The following SLC9C1 variants were observed in gnomAD, a reference collection of about 807,000 sequenced individuals.
SLC9C1 encodes solute carrier family 9 member C1, also known as sodium/hydrogen exchanger 10.
Under a neutral mutation model 140.9 loss-of-function variants are expected in SLC9C1, and 97 were observed. The observed-to-expected ratio is 0.69, with a 90% CI of 0.58 to 0.82. The LOEUF is 0.82. Among genes scored for constraint, SLC9C1 ranks in the 40% least tolerant of loss-of-function variants. The pLI, the probability that SLC9C1 is intolerant of heterozygous loss-of-function variation, is 0.00. For missense variants in SLC9C1, 1,340 were observed against 1,389.3 expected, an observed-to-expected ratio of 0.96 and a Z score of 0.56; for synonymous variants, 440 against 442.6, an observed-to-expected ratio of 0.99 and a Z score of 0.07.
intron 20 of SLC9C1, chr3:112,185,765 G>C (rs2077524841): frequency 1.3e-6 from 2 of 1,544,084 alleles, no homozygotes; most frequent in African/African-American, 2.7e-5. Context: ...CCTTCAGGGA[G>C]GGCGTCCGCA....
At chr3:112,287,292 A>G (rs1294487094) in intron 1 of SLC9C1, among the ~76,000 whole-genome samples, 1 of 152,216 alleles carries the variant, frequency 6.6e-6, no homozygotes, top group African/African-American at 2.4e-5. Context: ...TCTGACAGCT[A>G]TTCCAAAGTA....
In SLC9C1 at chr3:112,151,880, A is replaced by G; in HGVS notation, c.3501T>C (p.Pro1167=). ...LGTKFNCKES[P]RINLRKVRKE Reference sequence around the variant, plus strand: ...ACCTGACTTTCCTTAGGTTTATTCTAGGGGACTCCTTACAGTTGAACTTTG... The same window carrying G: ...ACCTGACTTTCCTTAGGTTTATTCTGGGGGACTCCTTACAGTTGAACTTTG... Residue 1167 remains proline (P), a synonymous_variant, in exon 28 of 29, where the codon CCT becomes CCC. Transcript: ENST00000305815. The G allele has an allele frequency of 4.3e-6, 7 of 1,612,564 alleles. No individual in the cohort carries two copies. The highest frequency in any genetic ancestry group is 5.9e-6 in the Non-Finnish European group (7 of 1,179,516).
At chr3:112,158,303 T>C (rs959025347) in intron 26 of SLC9C1, among the ~76,000 whole-genome samples, 1 of 152,090 alleles carries the variant, frequency 6.6e-6, no homozygotes, top group Non-Finnish European at 1.5e-5. Context: ...TTGATTCTGT[T>C]GATGTAATAC....
rs192536432 is a variant in SLC9C1, at chr3:112,172,961, G to T, written c.2920-3633C>A. Reference sequence around the variant, plus strand: ...TTCAACTTGCTAGTATCTTATTAATGATTTTTTTGTGTCCACATTAATGTG... The same window carrying T: ...TTCAACTTGCTAGTATCTTATTAATTATTTTTTTGTGTCCACATTAATGTG... On this transcript the variant is annotated intron_variant, in intron 23 of 28. Transcript: ENST00000305815. Among the ~76,000 whole-genome samples the T allele has an allele frequency of 1.0e-3, 152 of 152,034 alleles. 3 individuals are homozygous for T. In the East Asian group the frequency reaches 0.013, roughly 13 times the overall value.
chr3:112,237,183 C>G (rs1001712272), intron 12 of SLC9C1, among the ~76,000 whole-genome samples: 1 of 152,148 alleles, frequency 6.6e-6, no homozygotes, highest in Non-Finnish European at 1.5e-5. Flanking sequence ...GGAGAGTTAG[C>G]TCTTTTTGTT....
chr3:112,215,826 G>T lies in SLC9C1; in HGVS notation c.1790+1616C>A, dbSNP rs1560078198. Among the ~76,000 whole-genome samples the T allele has an allele frequency of 2.0e-5, 3 of 152,138 alleles. No individual in the cohort carries two copies. The South Asian group carries it at 6.2e-4, about 32-fold the overall frequency. ...ATACTATCCCCAACAAGCTACCAAT[G>T]ACTTTCTTCACAGAATTGGAAAAAA... On this transcript the variant is annotated intron_variant, in intron 15 of 28. Transcript: ENST00000305815.
intron 20 of SLC9C1, among the ~76,000 whole-genome samples, chr3:112,186,548 T>C (rs949735847): frequency 1.3e-5 from 2 of 152,238 alleles, no homozygotes; most frequent in Non-Finnish European, 2.9e-5. Flanking sequence ...ATATACAAGA[T>C]TAATGGAATC....
chr3:112,166,307 G>T (rs756024345), intron 26 of SLC9C1, among the ~76,000 whole-genome samples: 13 of 152,342 alleles, frequency 8.5e-5, no homozygotes, highest in Non-Finnish European at 1.6e-4. Context: ...TCCCCAGTGA[G>T]ATGAACCCGG....
At chr3:112,148,039 T>G (rs1318331667) in intron 28 of SLC9C1, among the ~76,000 whole-genome samples, 1 of 152,208 alleles carries the variant, frequency 6.6e-6, no homozygotes, top group African/African-American at 2.4e-5. Flanking sequence ...AATTCATTTT[T>G]CTCTTTGGTT....
chr3:112,210,450 A>G (rs547148453), intron 15 of SLC9C1, among the ~76,000 whole-genome samples: 27 of 152,372 alleles, frequency 1.8e-4, no homozygotes, highest in African/African-American at 6.5e-4. Flanking sequence ...ACAAGGCTAC[A>G]TAGTGATGAT....
chr3:112,246,760 A>G (rs970129480), intron 10 of SLC9C1, among the ~76,000 whole-genome samples: 11 of 152,226 alleles, frequency 7.2e-5, no homozygotes, highest in African/African-American at 2.7e-4. Flanking sequence ...GCCTGTGCTA[A>G]GAGTTTAAAG....
At chr3:112,161,221 G>C (rs1305838478) in intron 26 of SLC9C1, among the ~76,000 whole-genome samples, 2 of 152,070 alleles carry the variant, frequency 1.3e-5, no homozygotes. Flanking sequence ...TTTGTAGGTT[G>C]CCTGTTCACT....
At chr3:112,185,766 G>C in intron 20 of SLC9C1, 1 of 1,544,414 alleles carries the variant, frequency 6.5e-7, no homozygotes, top group South Asian at 1.2e-5. Flanking sequence ...CTTCAGGGAG[G>C]GCGTCCGCAC....
At chr3:112,228,440 C>T (rs553500920) in intron 13 of SLC9C1, among the ~76,000 whole-genome samples, 7 of 151,858 alleles carry the variant, frequency 4.6e-5, no homozygotes, top group South Asian at 2.1e-4. Flanking sequence ...TAGAAGAAAA[C>T]GGAGGAGAAA....
chr3:112,143,524 CT>C (rs1379096221), intron 28 of SLC9C1, among the ~76,000 whole-genome samples: 2 of 152,104 alleles, frequency 1.3e-5, no homozygotes, highest in African/African-American at 4.8e-5. Context: ...TTGCTGGCTG[CT>C]TGTACGTCTT....
chr3:112,287,810 G>T (rs1322652404), intron 1 of SLC9C1, among the ~76,000 whole-genome samples: 1 of 152,144 alleles, frequency 6.6e-6, no homozygotes, highest in Non-Finnish European at 1.5e-5. Context: ...TACTTTGGGA[G>T]GCCGAGGCGG....
chr3:112,215,229 A>G (rs1034156180), intron 15 of SLC9C1, among the ~76,000 whole-genome samples: 3 of 152,210 alleles, frequency 2.0e-5, no homozygotes, highest in African/African-American at 7.2e-5. Flanking sequence ...AGAGTTATTT[A>G]TGACAAACCC....
chr3:112,232,589 G>A (rs1196880887), intron 12 of SLC9C1, among the ~76,000 whole-genome samples: 1 of 152,068 alleles, frequency 6.6e-6, no homozygotes, highest in East Asian at 1.9e-4. Flanking sequence ...ACTTCATAGA[G>A]ACTAATTATC....
intron 10 of SLC9C1, among the ~76,000 whole-genome samples, chr3:112,262,313 A>G (rs1368480596): frequency 6.6e-6 from 1 of 151,982 alleles, no homozygotes; most frequent in African/African-American, 2.4e-5. Flanking sequence ...ACTGAGTATT[A>G]TTTAAGTAGA....
Sources: gnomAD v4.1 joint callset for allele counts (sites outside exome capture counted in the v4.1 genomes callset) on GRCh38, gnomAD v4.1.1 for gene constraint, MANE v1.5 for transcripts, NCBI Gene and HGNC (gene_info 2026-07-23, HGNC 2026-07-21) for gene names.